Variants in ACYP2 observed in about 807,000 individuals in gnomAD.
ACYP2 encodes the protein acylphosphatase-2.
A neutral mutation model predicts 11.2 loss-of-function variants in ACYP2; 12 were observed. The ratio of observed to expected loss-of-function variants is 1.08; its 90% confidence interval spans 0.69 to 1.74. ACYP2 has a LOEUF of 1.74. ACYP2 is among the 40% of genes most tolerant of loss of function. The pLI is 0.00. For synonymous variants in ACYP2, 43 were observed against 32.2 expected (o/e 1.33, Z -1.13); for missense variants, 134 against 101.9 (o/e 1.31, Z -1.35).
At chr2:53,992,697 G>A (rs1672358798) in intron 2 of ACYP2, among the ~76,000 whole-genome samples, 1 of 151,934 alleles carries the variant, frequency 6.6e-6, no homozygotes, top group Non-Finnish European at 1.5e-5. Flanking sequence ...TGGGCATGGT[G>A]GTGTGCACCT....
At chr2:54,180,028 C>A (rs1034367246) in intron 6 of ACYP2, among the ~76,000 whole-genome samples, 1 of 152,114 alleles carries the variant, frequency 6.6e-6, no homozygotes, top group Non-Finnish European at 1.5e-5. Context: ...TGGGGGTTCC[C>A]ATGACCCCTC....
At chr2:54,114,026 A>G (rs1289087174) in intron 4 of ACYP2, among the ~76,000 whole-genome samples, 1 of 151,996 alleles carries the variant, frequency 6.6e-6, no homozygotes, top group Non-Finnish European at 1.5e-5. Flanking sequence ...TCCAGAATAT[A>G]TTTTACTTTA....
At chr2:54,007,782 A>G (rs534489030) in intron 2 of ACYP2, among the ~76,000 whole-genome samples, 57 of 152,150 alleles carry the variant, frequency 3.7e-4, no homozygotes, top group African/African-American at 1.3e-3. Context: ...GGGGAATCGC[A>G]TGAACCTAGG....
intron 4 of ACYP2, among the ~76,000 whole-genome samples, chr2:54,127,750 CAAAA>C (rs3068999): frequency 1.8e-4 from 16 of 90,470 alleles, no homozygotes; most frequent in East Asian, 3.6e-4. Context: ...GAGACTGTCT[CAAAA>C]AAAAAAAAAA....
At chr2:54,185,192 G>C (rs937626768) in intron 6 of ACYP2, among the ~76,000 whole-genome samples, 1 of 152,132 alleles carries the variant, frequency 6.6e-6, no homozygotes, top group Non-Finnish European at 1.5e-5. Context: ...CCTTAGTCGT[G>C]ATTGATAAGA....
chr2:54,174,522 T>C (rs1048214995), intron 6 of ACYP2, among the ~76,000 whole-genome samples: 6 of 152,124 alleles, frequency 3.9e-5, no homozygotes, highest in African/African-American at 1.4e-4. Context: ...TTATTTCTTT[T>C]TCTTGCCTGA....
rs548199467 is a variant in ACYP2 at position 54,097,963 on chromosome 2, T to G, written c.278-37490T>G. ...TCCCTTGTTTCTTTCTCTCCTTCCT[T>G]CCTTTTTTTTTTTTTTTGAGGTGGA... On this transcript the variant is annotated intron_variant, in intron 4 of 6. Coordinates refer to ENST00000607452, the MANE Select transcript of ACYP2 (RefSeq NM_001320586.2). Among the ~76,000 whole-genome samples the G allele has an allele frequency of 7.8e-5, 11 of 140,876 alleles. No homozygotes were observed. In the East Asian group the frequency reaches 2.2e-3, roughly 28 times the overall value. The allele number at this position is 140,876 out of a possible 152,430, so 92.4% of individuals were successfully genotyped here.
At chr2:54,286,444 C>T (rs756080968) in intron 6 of ACYP2, among the ~76,000 whole-genome samples, 1 of 151,990 alleles carries the variant, frequency 6.6e-6, no homozygotes, top group African/African-American at 2.4e-5. Flanking sequence ...AAAGAGTCCC[C>T]CCATCAGGGA....
chr2:54,011,179 G>A lies in ACYP2; in HGVS notation c.62+37369G>A, dbSNP rs72800704. On this transcript the variant is annotated intron_variant, in intron 2 of 6. Transcript: ENST00000607452. ...TCAAGCTTAAATATCCAAGTAATCA[G>A]TTATAAGAATACACAGGAAATAATA... is the stretch of plus-strand genomic sequence containing the variant. Among the ~76,000 whole-genome samples the A allele has an allele frequency of 3.0e-3, 453 of 152,222 alleles. 2 individuals are homozygous for A. The highest frequency in any genetic ancestry group is 5.4e-3 in the Non-Finnish European group (367 of 68,020).
chr2:54,058,975 C>T (rs1256655534), intron 4 of ACYP2, among the ~76,000 whole-genome samples: 1 of 151,996 alleles, frequency 6.6e-6, no homozygotes, highest in Non-Finnish European at 1.5e-5. Flanking sequence ...TCTCTGGTCA[C>T]GGAGGGGTTT....
intron 6 of ACYP2, among the ~76,000 whole-genome samples, chr2:54,239,079 C>T (rs1329509957): frequency 2.0e-5 from 3 of 152,012 alleles, no homozygotes; most frequent in African/African-American, 4.8e-5. Flanking sequence ...TACCTAGACC[C>T]ACACAATGTG....
chr2:54,048,249 A>G (rs1239350512), intron 2 of ACYP2, among the ~76,000 whole-genome samples: 4 of 152,022 alleles, frequency 2.6e-5, no homozygotes, highest in Non-Finnish European at 1.5e-5. Context: ...ACACAGGAAG[A>G]TGTTGTCTCT....
intron 5 of ACYP2, among the ~76,000 whole-genome samples, chr2:54,136,681 T>G (rs1298191576): frequency 6.6e-6 from 1 of 152,150 alleles, no homozygotes; most frequent in Non-Finnish European, 1.5e-5. Flanking sequence ...AGTATGTTTT[T>G]GAAAAGTTCT....
chr2:54,181,921 A>AG (rs2103870083), intron 6 of ACYP2, among the ~76,000 whole-genome samples: 1 of 152,260 alleles, frequency 6.6e-6, no homozygotes, highest in Non-Finnish European at 1.5e-5. Context: ...CATAAAACAT[A>AG]GGCCATAAAT....
At chr2:54,145,829 A>G (rs1040225123) in intron 6 of ACYP2, among the ~76,000 whole-genome samples, 4 of 152,138 alleles carry the variant, frequency 2.6e-5, no homozygotes, top group Non-Finnish European at 4.4e-5. Context: ...ACACAGATCT[A>G]TGTGCAAATG....
chr2:54,242,225 G>A (rs954653302), intron 6 of ACYP2, among the ~76,000 whole-genome samples: 3 of 152,214 alleles, frequency 2.0e-5, no homozygotes, highest in African/African-American at 7.2e-5. Context: ...ACTGCAGTCT[G>A]CAGCAGTTGC....
chr2:54,160,114 G>C (rs1316540428), intron 6 of ACYP2, among the ~76,000 whole-genome samples: 1 of 152,166 alleles, frequency 6.6e-6, no homozygotes, highest in Non-Finnish European at 1.5e-5. Context: ...GACAAATGGT[G>C]GTTTATTCTC....
intron 2 of ACYP2, among the ~76,000 whole-genome samples, chr2:54,039,489 A>G (rs1675107145): frequency 1.3e-5 from 2 of 151,748 alleles, no homozygotes; most frequent in Admixed American, 1.3e-4. Flanking sequence ...ATGGGGTTTC[A>G]TGATGCTGCC....
At position 54,150,176 on chromosome 2, in the gene ACYP2, A is replaced by G. The variant is rs1246498221; in HGVS notation, c.404+11428A>G. Among the ~76,000 whole-genome samples the G allele has an allele frequency of 2.0e-5, 3 of 152,202 alleles. No homozygotes were observed. In the East Asian group the frequency reaches 5.8e-4, roughly 29 times the overall value. On this transcript the variant is annotated intron_variant, in intron 6 of 6. Transcript: ENST00000607452. ...TATTGGAGCACAGCCACACCCATTT[A>G]TTTATGTTTTGGCTATGACTGCTTT...
Sources: allele counts gnomAD v4.1 joint callset (sites outside exome capture counted in the v4.1 genomes callset), GRCh38; gene constraint gnomAD v4.1.1; transcripts MANE v1.5; gene names NCBI Gene and HGNC (gene_info 2026-07-23, HGNC 2026-07-21).